The following ELF1 variants were observed in gnomAD, a reference collection of about 807,000 sequenced individuals.
The protein encoded by ELF1 is E74 like ETS transcription factor 1.
In ELF1, 24 loss-of-function variants were observed where a neutral mutation model predicts 59.9. The observed-to-expected ratio is 0.40, with a 90% CI of 0.29 to 0.56. ELF1 has a LOEUF of 0.56. Among genes scored for constraint, ELF1 ranks in the 20% least tolerant of loss-of-function variants. The probability of loss-of-function intolerance (pLI) is 0.44; values close to 1 mark genes in which losing one functional copy is unlikely to be tolerated. For synonymous variants in ELF1, 248 were observed against 266.2 expected (o/e 0.93, Z 0.67); for missense variants, 627 against 742.2 (o/e 0.84, Z 1.80).
At chr13:40,978,239 G>GT (rs1873037903) in intron 2 of ELF1, among the ~76,000 whole-genome samples, 1 of 151,974 alleles carries the variant, frequency 6.6e-6, no homozygotes, top group Admixed American at 6.6e-5. Flanking sequence ...TTAGCTGGGC[G>GT]TGGTGGTGCG....
chr13:40,955,793 C>T (rs1368598445), intron 3 of ELF1, among the ~76,000 whole-genome samples: 15 of 126,148 alleles, frequency 1.2e-4, no homozygotes, highest in South Asian at 5.2e-4. Flanking sequence ...GCCCCCCGCC[C>T]GGCCAGCCGC....
intron 1 of ELF1, among the ~76,000 whole-genome samples, chr13:41,057,400 TC>T (rs1003062190): frequency 1.3e-5 from 2 of 151,652 alleles, no homozygotes; most frequent in African/African-American, 2.4e-5. Flanking sequence ...CTCTTTTTTT[TC>T]CCCCCACCCC....
chr13:40,988,812 T>C (rs1176680537), intron 1 of ELF1, among the ~76,000 whole-genome samples: 2 of 152,228 alleles, frequency 1.3e-5, no homozygotes, highest in Non-Finnish European at 2.9e-5. Context: ...TTCTTTTTTT[T>C]CTTTTTGAGA....
At chr13:41,046,141 A>G (rs1347910220) in intron 1 of ELF1, among the ~76,000 whole-genome samples, 1 of 152,060 alleles carries the variant, frequency 6.6e-6, no homozygotes, top group Non-Finnish European at 1.5e-5. Flanking sequence ...TGCTTAGTAG[A>G]TCTTCCTCCA....
chr13:40,982,521 G>T (rs1488239109), intron 1 of ELF1, among the ~76,000 whole-genome samples: 1 of 145,584 alleles, frequency 6.9e-6, no homozygotes, highest in Admixed American at 7.0e-5. Flanking sequence ...CCACTCTCCA[G>T]TTAAACTACT....
At chr13:41,055,771 A>AC (rs1566202672) in intron 1 of ELF1, among the ~76,000 whole-genome samples, 1 of 151,014 alleles carries the variant, frequency 6.6e-6, no homozygotes, top group Admixed American at 6.6e-5. Flanking sequence ...TGCAGCCTCA[A>AC]CCCCCCAGGT....
chr13:41,030,978 T>C (rs1210834928), intron 1 of ELF1, among the ~76,000 whole-genome samples: 1 of 150,042 alleles, frequency 6.7e-6, no homozygotes, highest in African/African-American at 2.5e-5. Context: ...CTGGGCAACA[T>C]GATGAAACCC....
At chr13:41,056,893 G>A (rs1877304737) in intron 1 of ELF1, among the ~76,000 whole-genome samples, 1 of 152,034 alleles carries the variant, frequency 6.6e-6, no homozygotes, top group African/African-American at 2.4e-5. Flanking sequence ...CCAGGCAAAG[G>A]AAAAAGGCAA....
intron 1 of ELF1, among the ~76,000 whole-genome samples, chr13:41,052,105 A>G (rs530799281): frequency 1.1e-4 from 16 of 151,996 alleles, no homozygotes; most frequent in Middle Eastern, 3.4e-3. Context: ...ATGCCCAGCT[A>G]ATTTTTGTAT....
intron 1 of ELF1, among the ~76,000 whole-genome samples, chr13:41,005,976 G>GT (rs1874731977): frequency 6.6e-6 from 1 of 152,128 alleles, no homozygotes; most frequent in Non-Finnish European, 1.5e-5. Flanking sequence ...TTCCACCAGA[G>GT]TTTAGTGCTA....
intron 1 of ELF1, among the ~76,000 whole-genome samples, chr13:41,004,559 C>T (rs1192228321): frequency 6.6e-6 from 1 of 152,080 alleles, no homozygotes; most frequent in Non-Finnish European, 1.5e-5. Context: ...ACCTCTATAA[C>T]TTTCCATTTC....
intron 5 of ELF1, among the ~76,000 whole-genome samples, chr13:40,947,013 T>C (rs1268955028): frequency 6.6e-6 from 1 of 152,120 alleles, no homozygotes; most frequent in Non-Finnish European, 1.5e-5. Flanking sequence ...GATTCATCCA[T>C]TTTTGTTGAA....
intron 2 of ELF1, among the ~76,000 whole-genome samples, chr13:40,973,616 T>G (rs1872719053): frequency 6.6e-6 from 1 of 151,952 alleles, no homozygotes; most frequent in Non-Finnish European, 1.5e-5. Context: ...TAAGTTATTT[T>G]TAGAAGCAAC....
chr13:41,036,406 C>T (rs1046634319), intron 1 of ELF1, among the ~76,000 whole-genome samples: 3 of 152,198 alleles, frequency 2.0e-5, no homozygotes, highest in African/African-American at 7.2e-5. Context: ...AGCTAAACTA[C>T]TCTGCTTCTC....
chr13:40,993,427 GC>G (rs1308423096), intron 1 of ELF1: 2 of 681,570 alleles, frequency 2.9e-6, no homozygotes, highest in Non-Finnish European at 5.2e-6. Context: ...CTGTCCTCTA[GC>G]GGAGCCCGTT....
intron 4 of ELF1, among the ~76,000 whole-genome samples, chr13:40,950,187 C>T (rs1300316674): frequency 6.6e-6 from 1 of 152,182 alleles, no homozygotes; most frequent in East Asian, 1.9e-4. Context: ...TACTTGACTT[C>T]CTATCACCAG....
At chr13:40,971,892 T>C (rs1872566588) in intron 2 of ELF1, among the ~76,000 whole-genome samples, 1 of 151,962 alleles carries the variant, frequency 6.6e-6, no homozygotes, top group Non-Finnish European at 1.5e-5. Flanking sequence ...GGGTTGTGTA[T>C]GTGTGGGTAT....
intron 3 of ELF1, among the ~76,000 whole-genome samples, chr13:40,953,216 T>C (rs1315590749): frequency 1.3e-5 from 2 of 152,094 alleles, no homozygotes; most frequent in Non-Finnish European, 2.9e-5. Context: ...CCTCAGGTGA[T>C]CTGCCCGCCT....
chr13:41,039,345 A>G (rs540367883), intron 1 of ELF1, among the ~76,000 whole-genome samples: 11 of 151,760 alleles, frequency 7.2e-5, no homozygotes, highest in East Asian at 1.9e-4. Context: ...TTAAAAAAAA[A>G]AAAAAAAAAA....
Sources: allele counts gnomAD v4.1 joint callset (sites outside exome capture counted in the v4.1 genomes callset), GRCh38; gene constraint gnomAD v4.1.1; transcripts MANE v1.5; gene names NCBI Gene and HGNC (gene_info 2026-07-23, HGNC 2026-07-21).